The following XKR4 variants were observed in gnomAD, a reference collection of about 807,000 sequenced individuals.
XKR4 encodes XK related 4.
XKR4 carries 12 observed loss-of-function variants against 53.9 expected under a neutral mutation model. The ratio of observed to expected loss-of-function variants is 0.22; its 90% CI spans 0.14 to 0.36. The LOEUF (loss-of-function observed/expected upper bound fraction) is 0.36, where lower values mean the gene tolerates loss of function less well. Ranked by LOEUF, XKR4 falls within the 10% of genes least tolerant of loss-of-function variation. The pLI is 1.00. For missense variants in XKR4, 799 were observed against 859.5 expected, an observed-to-expected ratio of 0.93 and a Z score of 0.88; for synonymous variants, 354 against 362.4, an observed-to-expected ratio of 0.98 and a Z score of 0.26.
intron 2 of XKR4, among the ~76,000 whole-genome samples, chr8:55,415,978 A>T (rs1324490581): frequency 6.6e-6 from 1 of 152,210 alleles, no homozygotes; most frequent in African/African-American, 2.4e-5. Flanking sequence ...GAGGAACGGC[A>T]GAGTTGAAGC....
At chr8:55,187,305 CAAAA>C (rs1168014848) in intron 1 of XKR4, among the ~76,000 whole-genome samples, 3 of 95,840 alleles carry the variant, frequency 3.1e-5, no homozygotes, top group African/African-American at 4.0e-5. Context: ...TTTCCAGGAC[CAAAA>C]AAAAAAAAAA....
intron 1 of XKR4, among the ~76,000 whole-genome samples, chr8:55,304,921 C>A (rs184342680): frequency 3.3e-5 from 5 of 152,128 alleles, no homozygotes; most frequent in Non-Finnish European, 1.5e-5. Flanking sequence ...AAATGATAAG[C>A]TTCATCATAA....
chr8:55,479,079 C>T (rs1160139967), intron 2 of XKR4, among the ~76,000 whole-genome samples: 2 of 152,058 alleles, frequency 1.3e-5, no homozygotes, highest in Non-Finnish European at 2.9e-5. Flanking sequence ...CTCTCCACCC[C>T]AAATCAACAG....
chr8:55,385,756 G>A (rs1761880248), intron 2 of XKR4, among the ~76,000 whole-genome samples: 1 of 152,102 alleles, frequency 6.6e-6, no homozygotes, highest in African/African-American at 2.4e-5. Context: ...AAAGTACATA[G>A]CACATTAGAA....
chr8:55,177,495 C>T (rs1439200807), intron 1 of XKR4, among the ~76,000 whole-genome samples: 1 of 152,192 alleles, frequency 6.6e-6, no homozygotes, highest in Non-Finnish European at 1.5e-5. Context: ...GTGTGCCCAC[C>T]TTTTAATCTC....
chr8:55,146,988 A>G (rs958326634), intron 1 of XKR4, among the ~76,000 whole-genome samples: 1 of 152,244 alleles, frequency 6.6e-6, no homozygotes, highest in Non-Finnish European at 1.5e-5. Flanking sequence ...GAAGCCATGC[A>G]ATATCCAACA....
At position 55,357,756 on chromosome 8, in the gene XKR4, G is replaced by C. The variant is rs1803840594; in HGVS notation, c.885G>C (p.Met295Ile). The C allele has an allele frequency of 6.2e-7, 1 of 1,614,072 alleles. No individual in the cohort carries two copies. The highest frequency in any genetic ancestry group is 1.3e-5 in the African/African-American group (1 of 74,924). The change falls in exon 2 of 3, where the codon ATG becomes ATC. Residue 295 changes from methionine to isoleucine, a missense_variant. Physicochemically the swap from Met to Ile is conservative, Grantham distance 10. Transcript: ENST00000327381. The part of the protein sequence containing the change: ...ENDRWRFYWK[M>I]VYEYADVSML... Reference sequence around the variant, plus strand: ...ACAGATGGAGGTTTTACTGGAAAATGGTATATGAGTATGCGGATGTGAGTA... The same window carrying C: ...ACAGATGGAGGTTTTACTGGAAAATCGTATATGAGTATGCGGATGTGAGTA...
chr8:55,460,557 C>T (rs1162036709), intron 2 of XKR4, among the ~76,000 whole-genome samples: 1 of 152,184 alleles, frequency 6.6e-6, no homozygotes, highest in Non-Finnish European at 1.5e-5. Context: ...GCATGAGTGA[C>T]ACAGAAGATG....
chr8:55,366,050 G>T lies in XKR4; in HGVS notation c.1006+8173G>T, dbSNP rs141333760. On this transcript the variant is annotated intron_variant, in intron 2 of 2. Coordinates refer to ENST00000327381, the MANE Select transcript of XKR4 (RefSeq NM_052898.2). ...TCCCCTGGGCTGGGACGAGGCTGGG[G>T]CCAGGAATGCCAAAAGCAGCGGCTG... Among the ~76,000 whole-genome samples, 1,428 of 152,350 alleles carry T rather than the reference G, an allele frequency of 9.4e-3. 26 individuals carry two copies. Among genetic ancestry groups the T allele is most frequent in the African/African-American group, 0.033 (1,364 of 41,574 alleles).
chr8:55,301,283 A>G (rs911953135), intron 1 of XKR4, among the ~76,000 whole-genome samples: 59 of 151,556 alleles, frequency 3.9e-4, no homozygotes, highest in Non-Finnish European at 4.9e-4. Flanking sequence ...GCTGAGAATG[A>G]TGGTTTCCAG....
chr8:55,537,594 A>T lies in XKR4; in HGVS notation c.*13367A>T, dbSNP rs142591737. ...TGAGGGGATTTCCAGAGAAAACTTA[A>T]ATGTTTTGAAGATTTGTAGGTAGGG... is the stretch of plus-strand genomic sequence containing the variant. On this transcript the variant is annotated 3_prime_UTR_variant, in exon 3 of 3. Transcript: ENST00000327381. The T allele has an allele frequency of 6.6e-6, 1 of 152,314 alleles. No individual in the cohort carries two copies. Among genetic ancestry groups the T allele is most frequent in the Non-Finnish European group, 1.5e-5 (1 of 68,024 alleles). The allele number at this position is 152,314 out of a possible 1,614,324, so 9.4% of individuals were successfully genotyped here.
At chr8:55,149,930 A>G (rs776158810) in intron 1 of XKR4, among the ~76,000 whole-genome samples, 6 of 152,174 alleles carry the variant, frequency 3.9e-5, no homozygotes, top group Admixed American at 6.6e-5. Context: ...CACATTCTTT[A>G]TATTGGAAAG....
intron 1 of XKR4, among the ~76,000 whole-genome samples, chr8:55,157,831 A>G (rs754031872): frequency 3.9e-5 from 6 of 152,124 alleles, no homozygotes; most frequent in Non-Finnish European, 7.3e-5. Flanking sequence ...AGCCCCATCC[A>G]TGTTGCTGCA....
chr8:55,221,327 A>C (rs1199784480), intron 1 of XKR4, among the ~76,000 whole-genome samples: 1 of 152,214 alleles, frequency 6.6e-6, no homozygotes, highest in African/African-American at 2.4e-5. Context: ...GTAAAATAGA[A>C]AAGGATAAAG....
intron 2 of XKR4, among the ~76,000 whole-genome samples, chr8:55,441,296 C>T (rs775910847): frequency 4.0e-5 from 6 of 151,654 alleles, no homozygotes; most frequent in Non-Finnish European, 5.9e-5. Flanking sequence ...AAGGTAATTA[C>T]AATTAAAAAT....
At chr8:55,421,358 C>A (rs1804928663) in intron 2 of XKR4, among the ~76,000 whole-genome samples, 1 of 152,324 alleles carries the variant, frequency 6.6e-6, no homozygotes, top group Admixed American at 6.5e-5. Flanking sequence ...ATCTTCCCAC[C>A]TTGCCATACG....
intron 1 of XKR4, among the ~76,000 whole-genome samples, chr8:55,313,038 T>C (rs889265631): frequency 6.6e-6 from 1 of 152,220 alleles, no homozygotes; most frequent in Non-Finnish European, 1.5e-5. Flanking sequence ...TTCCTTTCTC[T>C]GGTTTTATAG....
chr8:55,347,840 G>A (rs16921658), intron 1 of XKR4, among the ~76,000 whole-genome samples: 19,203 of 152,098 alleles, frequency 0.13, 3,451 homozygotes, highest in African/African-American at 0.4. Flanking sequence ...TAAATTTTTA[G>A]CTGTGTATAT....
At chr8:55,331,655 A>G (rs551259853) in intron 1 of XKR4, among the ~76,000 whole-genome samples, 6 of 152,272 alleles carry the variant, frequency 3.9e-5, no homozygotes, top group Admixed American at 3.9e-4. Flanking sequence ...TGTAATTGTT[A>G]AATCTGTTTG....
Sources: allele counts gnomAD v4.1 joint callset (sites outside exome capture counted in the v4.1 genomes callset), GRCh38; gene constraint gnomAD v4.1.1; transcripts MANE v1.5; gene names NCBI Gene and HGNC (gene_info 2026-07-23, HGNC 2026-07-21).